Variants in NAA11 observed in about 807,000 individuals in gnomAD.
NAA11 encodes the protein N-alpha-acetyltransferase 11.
A neutral mutation model predicts 16.1 loss-of-function variants in NAA11; 15 were observed. That is an observed-to-expected ratio of 0.93 (90% CI 0.62 to 1.44). The LOEUF is 1.44. NAA11 is among the 40% of genes most tolerant of loss of function. NAA11 has a pLI of 0.00. For synonymous variants in NAA11, 122 were observed against 112.4 expected (o/e 1.09, Z -0.54); for missense variants, 298 against 291.3 (o/e 1.02, Z -0.17).
chr4:79,319,945 AT>A lies in NAA11; in HGVS notation c.*13-2155del, dbSNP rs1320969179. Among the ~76,000 whole-genome samples, 4 of 152,366 alleles carry A rather than the reference AT, an allele frequency of 2.6e-5. No homozygotes were observed. The South Asian group carries it at 8.3e-4, about 32-fold the overall frequency. On this transcript the variant is annotated intron_variant, in intron 1 of 1. Transcript: ENST00000286794. ...GAACATTTAACAACTTTTTGTTAGA[AT>A]GACAGTTTAGCGACACAAAGAATAA...
downstream of NAA11, among the ~76,000 whole-genome samples, chr4:79,315,759 A>G (rs1028470958): frequency 6.6e-6 from 1 of 152,128 alleles, no homozygotes; most frequent in Non-Finnish European, 1.5e-5. Context: ...GACTCTCACA[A>G]TTTGTGTTTC....
intron 2 of NAA11, among the ~76,000 whole-genome samples, chr4:79,232,356 C>T (rs6855921): frequency 0.69 from 104,452 of 151,380 alleles, 38,912 homozygotes; most frequent in East Asian, 0.89. Flanking sequence ...CACAACTCTC[C>T]CTAGTTGTGT....
the NAA11 span, among the ~76,000 whole-genome samples, chr4:79,191,731 C>T: frequency 6.6e-6 from 1 of 152,062 alleles, no homozygotes; most frequent in Non-Finnish European, 1.5e-5. Context: ...ATTGCTTTTG[C>T]AGTCTTTGTT....
chr4:79,194,959 A>G, the NAA11 span, among the ~76,000 whole-genome samples: 1 of 152,124 alleles, frequency 6.6e-6, no homozygotes, highest in Non-Finnish European at 1.5e-5. Flanking sequence ...GAGGAACTCC[A>G]TGGACTCCAC....
downstream of NAA11, among the ~76,000 whole-genome samples, chr4:79,311,897 T>G (rs555503468): frequency 6.6e-6 from 1 of 152,208 alleles, no homozygotes; most frequent in African/African-American, 2.4e-5. Context: ...TACACAGACA[T>G]GAGTAATTTT....
intron 1 of NAA11, among the ~76,000 whole-genome samples, chr4:79,309,573 T>C (rs920037713): frequency 2.0e-5 from 3 of 152,188 alleles, no homozygotes; most frequent in African/African-American, 7.2e-5. Flanking sequence ...TAGGAAGATA[T>C]TTGTTTTTTT....
At chr4:79,162,345 G>A in the NAA11 span, among the ~76,000 whole-genome samples, 1 of 152,130 alleles carries the variant, frequency 6.6e-6, no homozygotes, top group Non-Finnish European at 1.5e-5. Flanking sequence ...AAATAGTTCT[G>A]CCTAATAAAA....
chr4:79,246,376 C>CAAAA (rs1560420199), intron 2 of NAA11, among the ~76,000 whole-genome samples: 14 of 114,176 alleles, frequency 1.2e-4, no homozygotes, highest in East Asian at 2.3e-4. Context: ...TCAATAAATA[C>CAAAA]TAAAAAAAAA....
downstream of NAA11, among the ~76,000 whole-genome samples, chr4:79,313,107 T>G (rs929113364): frequency 2.0e-5 from 3 of 152,146 alleles, no homozygotes; most frequent in African/African-American, 2.4e-5. Flanking sequence ...TGATAATACA[T>G]TCTCTGAAAC....
the NAA11 span, among the ~76,000 whole-genome samples, chr4:79,203,240 T>A: frequency 6.6e-6 from 1 of 151,738 alleles, no homozygotes; most frequent in Admixed American, 6.6e-5. Flanking sequence ...TAATGAAATT[T>A]TGACTCCATT....
At chr4:79,160,728 C>T in the NAA11 span, among the ~76,000 whole-genome samples, 1 of 152,072 alleles carries the variant, frequency 6.6e-6, no homozygotes, top group South Asian at 2.1e-4. Context: ...TGTGAGAGTT[C>T]TTTATATATT....
chr4:79,235,100 G>A (rs2109957847), intron 2 of NAA11, among the ~76,000 whole-genome samples: 1 of 152,206 alleles, frequency 6.6e-6, no homozygotes, highest in African/African-American at 2.4e-5. Context: ...GCTTAGTCCA[G>A]TGCCTTGCCT....
chr4:79,260,295 A>G (rs1722219974), intron 2 of NAA11, among the ~76,000 whole-genome samples: 1 of 152,136 alleles, frequency 6.6e-6, no homozygotes, highest in African/African-American at 2.4e-5. Flanking sequence ...TTTTGTTGCA[A>G]ATGTCCATTG....
chr4:79,212,162 ATT>A, the NAA11 span, among the ~76,000 whole-genome samples: 1 of 152,182 alleles, frequency 6.6e-6, no homozygotes, highest in South Asian at 2.1e-4. Flanking sequence ...CCTCCTTGCC[ATT>A]TTAAACAGGT....
the NAA11 span, among the ~76,000 whole-genome samples, chr4:79,199,057 T>C: frequency 6.6e-6 from 1 of 151,912 alleles, no homozygotes; most frequent in Non-Finnish European, 1.5e-5. Flanking sequence ...TGGATTTAGA[T>C]ACCAGATGTC....
At chr4:79,191,695 A>G in the NAA11 span, among the ~76,000 whole-genome samples, 1 of 152,170 alleles carries the variant, frequency 6.6e-6, no homozygotes, top group Non-Finnish European at 1.5e-5. Flanking sequence ...GTTAGATCCC[A>G]CTTGTCAATT....
the NAA11 span, among the ~76,000 whole-genome samples, chr4:79,187,768 G>T: frequency 6.6e-6 from 1 of 151,914 alleles, no homozygotes; most frequent in African/African-American, 2.4e-5. Flanking sequence ...AGGCCGAGGC[G>T]GGCTGATCAC....
intron 1 of NAA11, among the ~76,000 whole-genome samples, chr4:79,300,270 G>A (rs966804012): frequency 6.6e-6 from 1 of 152,148 alleles, no homozygotes; most frequent in Non-Finnish European, 1.5e-5. Context: ...AATGAAATTT[G>A]GTTTTATACC....
At chr4:79,248,143 G>A (rs1398225788) in intron 2 of NAA11, among the ~76,000 whole-genome samples, 3 of 152,174 alleles carry the variant, frequency 2.0e-5, no homozygotes, top group Non-Finnish European at 4.4e-5. Context: ...CCTGCTTGCA[G>A]TGCAGCCTCA....
Sources: gnomAD v4.1 joint callset for allele counts (sites outside exome capture counted in the v4.1 genomes callset) on GRCh38, gnomAD v4.1.1 for gene constraint, MANE v1.5 for transcripts, NCBI Gene and HGNC (gene_info 2026-07-23, HGNC 2026-07-21) for gene names.